The following LPAR1 variants were observed in gnomAD, a reference collection of about 807,000 sequenced individuals.
LPAR1 encodes lysophosphatidic acid receptor 1, also known as LPA receptor 1.
A neutral mutation model predicts 23.8 loss-of-function variants in LPAR1; 5 were observed. The ratio of observed to expected loss-of-function variants is 0.21; its 90% CI spans 0.11 to 0.44. The LOEUF (loss-of-function observed/expected upper bound fraction) is 0.44, where lower values mean the gene tolerates loss of function less well. Ranked by LOEUF, LPAR1 falls within the 20% of genes least tolerant of loss-of-function variation. The pLI, the probability that LPAR1 is intolerant of heterozygous loss-of-function variation, is 0.99. For missense variants in LPAR1, 311 were observed against 482.8 expected (o/e 0.64, Z 3.33); for synonymous variants, 160 against 164.7 (o/e 0.97, Z 0.22).
chr9:110,958,318 A>G (rs1186158915), intron 4 of LPAR1, among the ~76,000 whole-genome samples: 1 of 152,240 alleles, frequency 6.6e-6, no homozygotes, highest in Non-Finnish European at 1.5e-5. Flanking sequence ...ACACTATCTG[A>G]CTTCAAAATA....
chr9:110,969,157 G>A (rs955491452), intron 4 of LPAR1, among the ~76,000 whole-genome samples: 9 of 152,102 alleles, frequency 5.9e-5, no homozygotes, highest in Admixed American at 4.6e-4. Flanking sequence ...AGAGGTATAA[G>A]CTCTGGAGGG....
At chr9:111,012,469 GCA>G (rs3030186) in intron 2 of LPAR1, among the ~76,000 whole-genome samples, 5,276 of 149,758 alleles carry the variant, frequency 0.035, 261 homozygotes, top group African/African-American at 0.11. Context: ...ACGCACGCGC[GCA>G]CACACACACA....
At chr9:110,886,129 T>A (rs1254824097) in intron 5 of LPAR1, among the ~76,000 whole-genome samples, 1 of 149,238 alleles carries the variant, frequency 6.7e-6, no homozygotes, top group Non-Finnish European at 1.5e-5. Flanking sequence ...ACCTGAGAGG[T>A]AGAGGTTGCA....
At chr9:110,990,909 G>C (rs2096881090) in intron 2 of LPAR1, among the ~76,000 whole-genome samples, 1 of 152,044 alleles carries the variant, frequency 6.6e-6, no homozygotes, top group South Asian at 2.1e-4. Flanking sequence ...CCCTGTCAGA[G>C]ACATTAAAAG....
At chr9:110,971,695 T>C (rs1395845993) in intron 4 of LPAR1, among the ~76,000 whole-genome samples, 1 of 151,862 alleles carries the variant, frequency 6.6e-6, no homozygotes, top group Non-Finnish European at 1.5e-5. Flanking sequence ...TAAAATTAGA[T>C]CCATTCTGAT....
chr9:111,016,904 G>GT (rs1181205399), intron 2 of LPAR1, among the ~76,000 whole-genome samples: 5 of 152,018 alleles, frequency 3.3e-5, no homozygotes, highest in South Asian at 2.1e-4. Context: ...GAGCAATACA[G>GT]TTTTTTTTAA....
chr9:110,955,736 C>A (rs1483115304), intron 4 of LPAR1, among the ~76,000 whole-genome samples: 1 of 144,264 alleles, frequency 6.9e-6, no homozygotes, highest in Non-Finnish European at 1.5e-5. Context: ...AAACACAAAT[C>A]AATTACAAGA....
rs779679530 is a variant in LPAR1 at position 110,942,171 on chromosome 9, A to G, written c.46-3T>C. On this transcript the variant is annotated splice_polypyrimidine_tract_variant and splice_region_variant and intron_variant, in intron 4 of 5. Transcript: ENST00000683809. The stretch of plus-strand genomic sequence containing the variant: ...TGTGGTTCATTCATGGCTGTGAACT[A>G]AAAGAAAAAGGAGAAAAGATGATGA... 3 of 1,593,676 alleles carry G rather than the reference A, an allele frequency of 1.9e-6. No individual in the cohort carries two copies. The Admixed American group carries it at 5.4e-5, about 29-fold the overall frequency.
intron 5 of LPAR1, among the ~76,000 whole-genome samples, chr9:110,878,930 G>A (rs2079900866): frequency 6.6e-6 from 1 of 152,182 alleles, no homozygotes; most frequent in Non-Finnish European, 1.5e-5. Flanking sequence ...AGGGAATAGA[G>A]AGACAACATA....
intron 5 of LPAR1, among the ~76,000 whole-genome samples, chr9:110,908,820 T>C (rs1243242996): frequency 2.0e-5 from 3 of 152,176 alleles, no homozygotes; most frequent in Non-Finnish European, 4.4e-5. Context: ...AGTCTTATAG[T>C]TTCCATTTCA....
intron 5 of LPAR1, chr9:110,903,263 T>C (rs2089949348): frequency 6.6e-6 from 1 of 152,038 alleles, no homozygotes; most frequent in South Asian, 2.1e-4. Flanking sequence ...TGAGTAACTG[T>C]AAATTATTTA....
intron 5 of LPAR1, among the ~76,000 whole-genome samples, chr9:110,906,779 A>T (rs966357167): frequency 6.6e-6 from 1 of 152,170 alleles, no homozygotes; most frequent in Non-Finnish European, 1.5e-5. Context: ...CAGCAAATAC[A>T]AAACATAACA....
chr9:110,924,972 C>T (rs370796828), intron 5 of LPAR1, among the ~76,000 whole-genome samples: 107 of 152,254 alleles, frequency 7.0e-4, no homozygotes, highest in Middle Eastern at 3.4e-3. Context: ...TGGCATGTCA[C>T]GGCCAGATTT....
chr9:110,922,815 C>T lies in LPAR1; in HGVS notation c.793+18606G>A, dbSNP rs1220522810. ...TGAGTTGCATATCTGTTTTCAAGGTCTTATTATTATATTATTATTATTATT... is the reference window on the plus strand; with the variant it reads ...TGAGTTGCATATCTGTTTTCAAGGTTTTATTATTATATTATTATTATTATT... On this transcript the variant is annotated intron_variant, in intron 5 of 5. Transcript: ENST00000683809. Among the ~76,000 whole-genome samples, 4 of 94,148 alleles carry T rather than the reference C, an allele frequency of 4.2e-5. No individual in the cohort carries two copies. The East Asian group carries it at 9.0e-4, about 21-fold the overall frequency. 61.8% of individuals were successfully genotyped at this position (94,148 alleles called of 152,430 possible).
chr9:110,995,509 C>T (rs549792453), intron 2 of LPAR1, among the ~76,000 whole-genome samples: 86 of 152,248 alleles, frequency 5.6e-4, no homozygotes, highest in South Asian at 2.1e-3. Flanking sequence ...TGAAAACCCT[C>T]TTGGCAATAC....
intron 5 of LPAR1, among the ~76,000 whole-genome samples, chr9:110,918,976 C>T (rs533077011): frequency 3.2e-4 from 48 of 152,146 alleles, no homozygotes; most frequent in African/African-American, 1.1e-3. Flanking sequence ...TTGTGTAGTC[C>T]CCCTTCCCCT....
At chr9:110,957,846 C>T (rs1273236463) in intron 4 of LPAR1, among the ~76,000 whole-genome samples, 1 of 152,064 alleles carries the variant, frequency 6.6e-6, no homozygotes, top group Admixed American at 6.5e-5. Flanking sequence ...CTAAAGACTC[C>T]ACCAAAAATC....
At chr9:111,020,587 G>A (rs988203267) in intron 2 of LPAR1, among the ~76,000 whole-genome samples, 7 of 152,120 alleles carry the variant, frequency 4.6e-5, no homozygotes, top group African/African-American at 1.7e-4. Flanking sequence ...GCATCTACAT[G>A]CTCTGTGCCT....
At chr9:111,004,307 C>T (rs911535797) in intron 2 of LPAR1, among the ~76,000 whole-genome samples, 1 of 152,108 alleles carries the variant, frequency 6.6e-6, no homozygotes, top group African/African-American at 2.4e-5. Flanking sequence ...TTTCCCAGTC[C>T]TCAGAATATA....
Sources: allele counts gnomAD v4.1 joint callset (sites outside exome capture counted in the v4.1 genomes callset), GRCh38; gene constraint gnomAD v4.1.1; transcripts MANE v1.5; gene names NCBI Gene and HGNC (gene_info 2026-07-23, HGNC 2026-07-21).